Variants in CNTNAP5 observed in about 807,000 individuals in gnomAD.
CNTNAP5 encodes the protein contactin-associated protein-like 5.
In CNTNAP5, 72 loss-of-function variants were observed where a neutral mutation model predicts 150.2. That is an observed-to-expected ratio of 0.48 (90% CI 0.40 to 0.58). The LOEUF (loss-of-function observed/expected upper bound fraction) is 0.58, where lower values mean the gene tolerates loss of function less well. CNTNAP5 is among the 20% of genes least tolerant of loss of function. The pLI, the probability that CNTNAP5 is intolerant of heterozygous loss-of-function variation, is 0.00. For synonymous variants in CNTNAP5, 672 were observed against 619.8 expected, an observed-to-expected ratio of 1.08 and a Z score of -1.25; for missense variants, 1,636 against 1,626.2, an observed-to-expected ratio of 1.01 and a Z score of -0.10.
intron 3 of CNTNAP5, among the ~76,000 whole-genome samples, chr2:124,350,457 T>G (rs1466283516): frequency 6.6e-6 from 1 of 151,760 alleles, no homozygotes; most frequent in Non-Finnish European, 1.5e-5. Context: ...TGGCTTGTTT[T>G]TTTTTTTTAA....
intron 1 of CNTNAP5, among the ~76,000 whole-genome samples, chr2:124,204,160 A>C (rs1473544339): frequency 6.6e-6 from 1 of 152,160 alleles, no homozygotes; most frequent in East Asian, 1.9e-4. Context: ...ATCCCACCAG[A>C]TGCCCTAAAT....
chr2:124,617,481 A>G (rs1677516068), intron 12 of CNTNAP5, among the ~76,000 whole-genome samples: 1 of 151,972 alleles, frequency 6.6e-6, no homozygotes, highest in Non-Finnish European at 1.5e-5. Flanking sequence ...CCTTCTAGAG[A>G]TTGCTACCCT....
intron 14 of CNTNAP5, among the ~76,000 whole-genome samples, chr2:124,748,004 C>T (rs887399588): frequency 6.6e-6 from 1 of 151,178 alleles, no homozygotes; most frequent in Non-Finnish European, 1.5e-5. Flanking sequence ...TTGAGCTTTG[C>T]GATTGAGTCA....
At chr2:124,655,955 G>GAA (rs1553427810) in intron 13 of CNTNAP5, among the ~76,000 whole-genome samples, 5 of 117,744 alleles carry the variant, frequency 4.2e-5, no homozygotes, top group Non-Finnish European at 7.0e-5. Flanking sequence ...GAGAAAGAAA[G>GAA]AAAGAAAGAA....
chr2:124,160,042 C>A (rs1163830523), intron 1 of CNTNAP5, among the ~76,000 whole-genome samples: 3 of 152,142 alleles, frequency 2.0e-5, no homozygotes, highest in Non-Finnish European at 2.9e-5. Context: ...AACAGACTCT[C>A]TCTTATTATA....
chr2:124,160,752 A>G (rs1684655901), intron 1 of CNTNAP5, among the ~76,000 whole-genome samples: 1 of 152,194 alleles, frequency 6.6e-6, no homozygotes, highest in African/African-American at 2.4e-5. Flanking sequence ...GCTTCTGCAC[A>G]AGCAAACCCT....
At chr2:124,336,709 A>C (rs1025345476) in intron 3 of CNTNAP5, among the ~76,000 whole-genome samples, 4 of 151,836 alleles carry the variant, frequency 2.6e-5, no homozygotes, top group Non-Finnish European at 5.9e-5. Context: ...TGAACTCATC[A>C]TTTTTTATGG....
chr2:124,204,902 C>T (rs1212162401), intron 1 of CNTNAP5, among the ~76,000 whole-genome samples: 1 of 152,110 alleles, frequency 6.6e-6, no homozygotes, highest in East Asian at 1.9e-4. Context: ...ATCTGAAGGT[C>T]TATAGCCCCA....
chr2:124,798,010 C>T (rs997192424), intron 18 of CNTNAP5, 86 bp from the exon 19 acceptor site: 2 of 932,196 alleles, frequency 2.1e-6, no homozygotes, highest in African/African-American at 1.6e-5. Flanking sequence ...GTGCCCAGTG[C>T]ATAGGAAACG....
chr2:124,185,678 C>T (rs968312333), intron 1 of CNTNAP5, among the ~76,000 whole-genome samples: 10 of 151,888 alleles, frequency 6.6e-5, no homozygotes, highest in African/African-American at 2.2e-4. Context: ...TCTGTTTAAA[C>T]TGCACCATCA....
At chr2:124,408,436 C>A (rs1280293298) in intron 3 of CNTNAP5, among the ~76,000 whole-genome samples, 1 of 149,170 alleles carries the variant, frequency 6.7e-6, no homozygotes, top group Non-Finnish European at 1.5e-5. Context: ...GGGCAGGGCA[C>A]AGACAAACAA....
At chr2:124,134,498 C>T (rs979279478) in intron 1 of CNTNAP5, among the ~76,000 whole-genome samples, 1 of 152,118 alleles carries the variant, frequency 6.6e-6, no homozygotes, top group African/African-American at 2.4e-5. Flanking sequence ...CTTCAGAAAG[C>T]TTGCTATTAG....
intron 1 of CNTNAP5, among the ~76,000 whole-genome samples, chr2:124,189,644 A>G (rs1473733631): frequency 2.0e-5 from 3 of 152,244 alleles, no homozygotes; most frequent in Non-Finnish European, 4.4e-5. Context: ...ACTCAAATTA[A>G]CCAAGGAGAA....
chr2:124,914,033 C>G (rs1463778487), intron 23 of CNTNAP5, 59 bp from the exon 24 acceptor site: 1 of 1,319,802 alleles, frequency 7.6e-7, no homozygotes, highest in Non-Finnish European at 1.1e-6. Context: ...GGAATCCACT[C>G]TCCTGAGCAG....
At position 124,194,757 on chromosome 2, in the gene CNTNAP5, G is replaced by T. The variant is rs967396059; in HGVS notation, c.83-26948G>T. 7.9e-5 allele frequency among the ~76,000 whole-genome samples: 12 copies of T among 151,034 alleles called. No homozygotes were observed. The South Asian group carries it at 2.1e-3, about 26-fold the overall frequency. Reference sequence around the variant, plus strand: ...TATTATAGGTAACATTACACATAATGTAGTAACAATATATAATACAACTAT... The same window carrying T: ...TATTATAGGTAACATTACACATAATTTAGTAACAATATATAATACAACTAT... On this transcript the variant is annotated intron_variant, in intron 1 of 23. Transcript: ENST00000682447.
chr2:124,576,886 G>A lies in CNTNAP5; in HGVS notation c.1756+13563G>A, dbSNP rs140069242. Among the ~76,000 whole-genome samples, 711 of 152,210 alleles carry A rather than the reference G, an allele frequency of 4.7e-3. 4 individuals are homozygous for A. The highest frequency in any genetic ancestry group is 7.4e-3 in the Non-Finnish European group (500 of 68,018). On this transcript the variant is annotated intron_variant, in intron 11 of 23. Coordinates refer to ENST00000682447, the MANE Select transcript of CNTNAP5 (RefSeq NM_001367498.1). ...TGATTAAGTTTACTTATTTTACTTC[G>A]TCAGTCCTCTACACTTCTACATTTT...
chr2:124,729,244 C>A (rs1680220903), intron 13 of CNTNAP5, among the ~76,000 whole-genome samples: 1 of 152,138 alleles, frequency 6.6e-6, no homozygotes, highest in South Asian at 2.1e-4. Flanking sequence ...CATGTATATG[C>A]ATTTCTTAGT....
At chr2:124,855,775 C>G (rs957678179) in intron 19 of CNTNAP5, among the ~76,000 whole-genome samples, 1 of 151,900 alleles carries the variant, frequency 6.6e-6, no homozygotes, top group Non-Finnish European at 1.5e-5. Context: ...TGAATAAGTT[C>G]TTTAGTGGTG....
intron 1 of CNTNAP5, among the ~76,000 whole-genome samples, chr2:124,209,063 C>T (rs1685937679): frequency 6.6e-6 from 1 of 152,144 alleles, no homozygotes; most frequent in Non-Finnish European, 1.5e-5. Flanking sequence ...GTCAGCAGAA[C>T]AACTGGATGC....
Sources: allele counts gnomAD v4.1 joint callset (sites outside exome capture counted in the v4.1 genomes callset), GRCh38; gene constraint gnomAD v4.1.1; transcripts MANE v1.5; gene names NCBI Gene and HGNC (gene_info 2026-07-23, HGNC 2026-07-21).